Variants in ASPH observed in about 807,000 individuals in gnomAD.
The protein encoded by ASPH is aspartate beta-hydroxylase.
In ASPH, 100 loss-of-function variants were observed where a neutral mutation model predicts 118.4. The ratio of observed to expected loss-of-function variants is 0.84; its 90% confidence interval spans 0.72 to 1.00. The LOEUF (loss-of-function observed/expected upper bound fraction) is 1.00, where lower values mean the gene tolerates loss of function less well. Among genes scored for constraint, ASPH ranks in the 50% least tolerant of loss-of-function variants. The pLI is 0.00. For missense variants in ASPH, 920 were observed against 919.5 expected (o/e 1.00, Z -0.01); for synonymous variants, 315 against 325.6 (o/e 0.97, Z 0.35).
intron 12 of ASPH, among the ~76,000 whole-genome samples, chr8:61,636,957 C>G (rs899140110): frequency 6.6e-6 from 1 of 152,172 alleles, no homozygotes; most frequent in Non-Finnish European, 1.5e-5. Context: ...TCTCTCGCAG[C>G]AGCTAAGCGG....
At chr8:61,532,224 T>A (rs1692415840) in intron 21 of ASPH, among the ~76,000 whole-genome samples, 1 of 152,154 alleles carries the variant, frequency 6.6e-6, no homozygotes, top group Admixed American at 6.5e-5. Context: ...ATAATAGCCA[T>A]CCTAACAGGT....
At chr8:61,576,510 G>A (rs1347814457) in intron 16 of ASPH, 1 of 357,076 alleles carries the variant, frequency 2.8e-6, no homozygotes, top group Non-Finnish European at 5.1e-6. Flanking sequence ...GACATGAGGG[G>A]ATGGTAAATC....
rs78684112 is a variant in ASPH, at chr8:61,552,923, C to T, written c.1626+108G>A. On this transcript the variant is annotated intron_variant, in intron 20 of 24. Transcript: ENST00000379454. ...ACTAAATAGTTTATATCACTGCTTTCGAAAGTTCACACTCAAAATATTTTT... is the reference window on the plus strand; with the variant it reads ...ACTAAATAGTTTATATCACTGCTTTTGAAAGTTCACACTCAAAATATTTTT... 0.013 allele frequency: 11,758 copies of T among 925,424 alleles called. 193 individuals are homozygous for T. The highest frequency in any genetic ancestry group is 0.066 in the African/African-American group (3,911 of 59,670). 57.3% of individuals were successfully genotyped at this position (925,424 alleles called of 1,614,324 possible). A position where few individuals can be genotyped will look rare whatever the true frequency, so the allele number is the denominator to read the frequency against.
intron 22 of ASPH, among the ~76,000 whole-genome samples, chr8:61,521,822 G>A (rs549311081): frequency 5.9e-5 from 9 of 152,252 alleles, no homozygotes; most frequent in African/African-American, 1.7e-4. Flanking sequence ...ACTTTGTGAG[G>A]GCTATTCATG....
intron 1 of ASPH, among the ~76,000 whole-genome samples, chr8:61,693,287 A>G (rs1180386293): frequency 6.6e-6 from 1 of 152,156 alleles, no homozygotes; most frequent in Non-Finnish European, 1.5e-5. Context: ...AACGCAACCT[A>G]ATTCATGTTC....
At chr8:61,579,351 ATGAACGTCAAGCTGGCCC>A in intron 15 of ASPH, 2 of 1,614,170 alleles carry the variant, frequency 1.2e-6, no homozygotes, top group Non-Finnish European at 1.7e-6. Flanking sequence ...CCAGGAGCTG[ATGAACGTCAAGCTGGCCC>A]TGGACATCGA....
chr8:61,644,872 T>A (rs1016129249), intron 6 of ASPH, among the ~76,000 whole-genome samples: 1 of 152,262 alleles, frequency 6.6e-6, no homozygotes, highest in Non-Finnish European at 1.5e-5. Context: ...CACCACCCCC[T>A]GGACTAAAGA....
chr8:61,535,704 T>C (rs1032236704), intron 21 of ASPH, among the ~76,000 whole-genome samples: 3 of 152,258 alleles, frequency 2.0e-5, no homozygotes, highest in Admixed American at 1.3e-4. Flanking sequence ...TGAGGAATTA[T>C]GTATCTTATT....
At chr8:61,595,876 G>C (rs1337483339) in intron 14 of ASPH, among the ~76,000 whole-genome samples, 1 of 152,156 alleles carries the variant, frequency 6.6e-6, no homozygotes, top group African/African-American at 2.4e-5. Flanking sequence ...CTGGAAGCCT[G>C]GGAATCGGCC....
chr8:61,582,242 G>A (rs1837792600), intron 15 of ASPH, among the ~76,000 whole-genome samples: 1 of 152,052 alleles, frequency 6.6e-6, no homozygotes. Flanking sequence ...TTCTCCAAAG[G>A]AGCAACACTG....
chr8:61,509,300 A>C (rs2129613320), intron 24 of ASPH, among the ~76,000 whole-genome samples: 1 of 152,332 alleles, frequency 6.6e-6, no homozygotes, highest in East Asian at 1.9e-4. Context: ...TGGATACTCC[A>C]ATGGCTACTC....
At chr8:61,504,573 G>T (rs543116877) in intron 24 of ASPH, among the ~76,000 whole-genome samples, 8 of 152,170 alleles carry the variant, frequency 5.3e-5, no homozygotes, top group Admixed American at 5.2e-4. Flanking sequence ...CTTCACAACC[G>T]TGGTACTACT....
chr8:61,576,976 T>C, intron 15 of ASPH, 118 bp from the exon 16 acceptor site: 1 of 837,944 alleles, frequency 1.2e-6, no homozygotes, highest in South Asian at 2.4e-5. Flanking sequence ...ATCCTGAGTG[T>C]AAAGATAGTT....
chr8:61,570,087 C>T (rs531508192), intron 16 of ASPH, among the ~76,000 whole-genome samples: 6 of 152,232 alleles, frequency 3.9e-5, no homozygotes, highest in Admixed American at 6.5e-5. Flanking sequence ...CTGAAAACGT[C>T]GTAAGTCAAA....
In ASPH at chr8:61,600,306, CT is replaced by C. The variant is rs1843611978; in HGVS notation, c.977-16278del. Among the ~76,000 whole-genome samples, 356 of 147,328 alleles carry C rather than the reference CT, an allele frequency of 2.4e-3. 1 individual carries two copies. The highest frequency in any genetic ancestry group is 9.0e-3 in the African/African-American group (332 of 36,980). On this transcript the variant is annotated intron_variant, in intron 14 of 24. Transcript: ENST00000379454. ...TGGAGAAAAGCAGAAAGCCTTTCCT[CT>C]AAGAACTGAAATAAGAAAAAGGTGT...
chr8:61,702,371 G>A lies in ASPH; in HGVS notation c.103+11898C>T, dbSNP rs192844490. Among the ~76,000 whole-genome samples the A allele has an allele frequency of 5.3e-3, 759 of 142,708 alleles. 9 individuals carry two copies. Among genetic ancestry groups the A allele is most frequent in the African/African-American group, 0.019 (717 of 38,322 alleles). 93.6% of individuals were successfully genotyped at this position (142,708 alleles called of 152,430 possible). A position where few individuals can be genotyped will look rare whatever the true frequency, so the allele number is the denominator to read the frequency against. On this transcript the variant is annotated intron_variant, in intron 1 of 24. Transcript: ENST00000379454. The stretch of plus-strand genomic sequence containing the variant: ...GCAATCTTGGCTCACTGCAAGCTCC[G>A]CCTCCCGGGTTCACGCCATTCTCCT...
intron 1 of ASPH, among the ~76,000 whole-genome samples, chr8:61,704,759 A>C (rs1413441810): frequency 1.3e-5 from 2 of 152,206 alleles, no homozygotes; most frequent in African/African-American, 4.8e-5. Context: ...TTGCAAATGT[A>C]AACTACAGTA....
chr8:61,651,918 C>G (rs984555146), intron 4 of ASPH, among the ~76,000 whole-genome samples: 3 of 152,184 alleles, frequency 2.0e-5, no homozygotes, highest in Non-Finnish European at 4.4e-5. Context: ...TAGCACTACA[C>G]TTGGTATCAT....
chr8:61,558,457 C>T (rs555012414), intron 18 of ASPH, among the ~76,000 whole-genome samples: 2 of 152,132 alleles, frequency 1.3e-5, no homozygotes, highest in Non-Finnish European at 2.9e-5. Context: ...CACAAAGGGT[C>T]CTGTTTAGTA....
Sources: allele counts gnomAD v4.1 joint callset (sites outside exome capture counted in the v4.1 genomes callset), GRCh38; gene constraint gnomAD v4.1.1; transcripts MANE v1.5; gene names NCBI Gene and HGNC (gene_info 2026-07-23, HGNC 2026-07-21).